MEF2C: variants seen among roughly 807,000 people sequenced by gnomAD.
MEF2C encodes myocyte enhancer factor 2C, also known as myocyte-specific enhancer factor 2C.
A neutral mutation model predicts 50.5 loss-of-function variants in MEF2C; 6 were observed. That is an observed-to-expected ratio of 0.12 (90% CI 0.07 to 0.23). The LOEUF (loss-of-function observed/expected upper bound fraction) is 0.23. MEF2C is among the 10% of genes least tolerant of loss of function. The pLI is 1.00. For synonymous variants in MEF2C, 183 were observed against 228.0 expected (o/e 0.80, Z 1.78); for missense variants, 276 against 605.0 (o/e 0.46, Z 5.70).
chr5:88,843,761 GCAA>G (rs959170756), intron 1 of MEF2C, among the ~76,000 whole-genome samples: 1 of 151,214 alleles, frequency 6.6e-6, no homozygotes, highest in Non-Finnish European at 1.5e-5. Flanking sequence ...TTGAAAATTG[GCAA>G]CAACGTCTTA....
At chr5:88,802,520 C>G (rs1193036475) in intron 3 of MEF2C, among the ~76,000 whole-genome samples, 1 of 152,212 alleles carries the variant, frequency 6.6e-6, no homozygotes, top group African/African-American at 2.4e-5. Flanking sequence ...AATCTAGGCT[C>G]ACTGAGGCCT....
chr5:88,840,004 TC>T (rs1184477058), intron 1 of MEF2C, among the ~76,000 whole-genome samples: 1 of 152,200 alleles, frequency 6.6e-6, no homozygotes, highest in Non-Finnish European at 1.5e-5. Context: ...ATTTGTATTT[TC>T]CATTCATCTA....
chr5:88,838,391 A>G, intron 1 of MEF2C: 1 of 220,644 alleles, frequency 4.5e-6, no homozygotes, highest in South Asian at 1.6e-4. Flanking sequence ...TTTTTTTTCT[A>G]CTTTCTACAA....
At chr5:88,849,007 C>T (rs1264568703) in intron 1 of MEF2C, among the ~76,000 whole-genome samples, 3 of 151,692 alleles carry the variant, frequency 2.0e-5, no homozygotes, top group Non-Finnish European at 2.9e-5. Context: ...AAAAATTCGC[C>T]GGGCATGGTG....
At chr5:88,824,952 T>A (rs1344135923) in intron 1 of MEF2C, 1 of 151,992 alleles carries the variant, frequency 6.6e-6, no homozygotes, top group East Asian at 1.9e-4. Flanking sequence ...ATGTGAAAGT[T>A]AACAAGAAAG....
intron 2 of MEF2C, among the ~76,000 whole-genome samples, chr5:88,819,039 A>G (rs1420847510): frequency 6.6e-6 from 1 of 151,884 alleles, no homozygotes; most frequent in Non-Finnish European, 1.5e-5. Flanking sequence ...ACTTTTTTTC[A>G]TCCTCACTCT....
At chr5:88,752,137 C>T in intron 4 of MEF2C, 94 bp from the exon 5 acceptor site, 1 of 1,165,256 alleles carries the variant, frequency 8.6e-7, no homozygotes, top group Admixed American at 2.9e-5. Flanking sequence ...AAGAAAAATT[C>T]TACATTCCAA....
At chr5:88,857,198 C>T (rs1408678474) in intron 1 of MEF2C, among the ~76,000 whole-genome samples, 1 of 152,174 alleles carries the variant, frequency 6.6e-6, no homozygotes, top group African/African-American at 2.4e-5. Flanking sequence ...TAATGACTGT[C>T]CTACTGGATT....
chr5:88,826,364 G>A (rs1304020506), intron 1 of MEF2C, among the ~76,000 whole-genome samples: 1 of 151,882 alleles, frequency 6.6e-6, no homozygotes, highest in Non-Finnish European at 1.5e-5. Context: ...AATATTTCTT[G>A]AGGTATTGCC....
chr5:88,781,495 A>G (rs1297426378), intron 3 of MEF2C, among the ~76,000 whole-genome samples: 1 of 152,180 alleles, frequency 6.6e-6, no homozygotes, highest in Non-Finnish European at 1.5e-5. Context: ...GAGTTTATGA[A>G]AGTGGCAGAA....
Position 88,880,224 on chromosome 5 carries a change from T to C in MEF2C, c.-143+2731A>G, listed in dbSNP as rs557372545. Among the ~76,000 whole-genome samples, 3 of 152,274 alleles carry C rather than the reference T, an allele frequency of 2.0e-5. No individual in the cohort carries two copies. The South Asian group carries it at 6.2e-4, about 32-fold the overall frequency. On this transcript the variant is annotated intron_variant, in intron 1 of 10. Coordinates refer to ENST00000504921, the MANE Select transcript of MEF2C (RefSeq NM_002397.5). ...ATTTTGATAAGTTTTAGATATTAAT[T>C]TGTGTGGTATTTTCTCAGAGGATGT...
chr5:88,806,940 A>G (rs1800694031), intron 2 of MEF2C, among the ~76,000 whole-genome samples: 1 of 152,302 alleles, frequency 6.6e-6, no homozygotes, highest in Non-Finnish European at 1.5e-5. Flanking sequence ...GTAAAAATCC[A>G]TGGTATAAAA....
chr5:88,822,424 ACACTAAAGGAATC>A (rs1808825314), intron 2 of MEF2C, among the ~76,000 whole-genome samples: 1 of 151,970 alleles, frequency 6.6e-6, no homozygotes, highest in African/African-American at 2.4e-5. Context: ...GTGCATGAAA[ACACTAAAGGAATC>A]CACCATAAAT....
intron 1 of MEF2C, among the ~76,000 whole-genome samples, chr5:88,848,375 A>G (rs944112692): frequency 1.6e-4 from 24 of 152,206 alleles, no homozygotes; most frequent in Non-Finnish European, 2.8e-4. Flanking sequence ...TATTTTATAG[A>G]ATATTGGGTA....
chr5:88,730,716 G>A (rs1561690229), intron 7 of MEF2C, among the ~76,000 whole-genome samples: 1 of 152,110 alleles, frequency 6.6e-6, no homozygotes, highest in African/African-American at 2.4e-5. Context: ...ATTAGACCCA[G>A]TTTTTTTCTG....
At chr5:88,772,957 G>C (rs778852521) in intron 3 of MEF2C, 30 of 950,688 alleles carry the variant, frequency 3.2e-5, no homozygotes, top group Non-Finnish European at 3.6e-5. Flanking sequence ...ATTGACAACT[G>C]TTAACACATA....
intron 1 of MEF2C, among the ~76,000 whole-genome samples, chr5:88,824,628 T>C (rs191500890): frequency 1.4e-4 from 21 of 152,030 alleles, no homozygotes; most frequent in Middle Eastern, 3.4e-3. Context: ...AAGATAAGCA[T>C]TGACACAAAA....
chr5:88,784,099 T>C (rs897996193), intron 3 of MEF2C, among the ~76,000 whole-genome samples: 53 of 152,254 alleles, frequency 3.5e-4, no homozygotes, highest in Non-Finnish European at 7.3e-4. Flanking sequence ...GAAATTGCTG[T>C]ATTAATTTCT....
chr5:88,825,257 C>A lies in MEF2C; in HGVS notation c.-142-1327G>T, dbSNP rs536163391. Among the ~76,000 whole-genome samples the A allele has an allele frequency of 9.7e-4, 147 of 151,602 alleles. 1 individual carries two copies. The highest frequency in any genetic ancestry group is 3.3e-3 in the African/African-American group (137 of 41,374). ...AATTTAATTTCCAAATTCTTTATCA[C>A]CTTGGGTATTTTTTTTTTTTTTAGT... On this transcript the variant is annotated intron_variant, in intron 1 of 10. Transcript: ENST00000504921.
Sources: allele counts gnomAD v4.1 joint callset (sites outside exome capture counted in the v4.1 genomes callset), GRCh38; gene constraint gnomAD v4.1.1; transcripts MANE v1.5; gene names NCBI Gene and HGNC (gene_info 2026-07-23, HGNC 2026-07-21).